GCG: variants seen among roughly 807,000 people sequenced by gnomAD.
The protein encoded by GCG is glucagon.
Under a neutral mutation model 22.8 loss-of-function variants are expected in GCG, and 11 were observed. The observed-to-expected ratio is 0.48, with a 90% CI of 0.30 to 0.80. GCG has a LOEUF of 0.80. GCG is among the 30% of genes least tolerant of loss of function. The pLI is 0.06. For missense variants in GCG, 222 were observed against 222.0 expected, an observed-to-expected ratio of 1.00 and a Z score of 0.00; for synonymous variants, 89 against 72.4, an observed-to-expected ratio of 1.23 and a Z score of -1.16.
intron 1 of GCG, among the ~76,000 whole-genome samples, chr2:162,151,186 A>G (rs901012139): frequency 2.0e-5 from 3 of 152,122 alleles, no homozygotes; most frequent in African/African-American, 7.2e-5. Context: ...AATTTCCACT[A>G]AAATTTAAAG....
In GCG at chr2:162,143,312, C is replaced by A. The variant is rs917696060; in HGVS notation, c.*52G>T. 3 of 1,054,826 alleles carry A rather than the reference C, an allele frequency of 2.8e-6. No homozygotes were observed. The highest frequency in any genetic ancestry group is 4.1e-6 in the Non-Finnish European group (3 of 732,950). The allele number at this position is 1,054,826 out of a possible 1,614,324, so 65.3% of individuals were successfully genotyped here. A position where few individuals can be genotyped will look rare whatever the true frequency, so the allele number is the denominator to read the frequency against. ...TTACAGGACTTAACATTTCAAACATCCCACGTGGCTAGCAGGTGATGTTGT... is the reference window on the plus strand; with the variant it reads ...TTACAGGACTTAACATTTCAAACATACCACGTGGCTAGCAGGTGATGTTGT... On this transcript the variant is annotated 3_prime_UTR_variant, in exon 6 of 6. Transcript: ENST00000418842.
intron 1 of GCG, among the ~76,000 whole-genome samples, chr2:162,150,961 A>G (rs1686821170): frequency 6.6e-6 from 1 of 152,108 alleles, no homozygotes; most frequent in Admixed American, 6.6e-5. Flanking sequence ...CTGAAGAAAG[A>G]ACTGGCTTTA....
rs1369270818 is a variant in GCG, at chr2:162,145,388, C to A, written c.392+152G>T. 4.5e-6 allele frequency: 3 copies of A among 664,362 alleles called. No individual in the cohort carries two copies. The African/African-American group carries it at 5.5e-5, about 12-fold the overall frequency. The allele number at this position is 664,362 out of a possible 1,614,324, so 41.2% of individuals were successfully genotyped here. A position where few individuals can be genotyped will look rare whatever the true frequency, so the allele number is the denominator to read the frequency against. ...AGTACCAAAAACAAAATGGGTTTAA[C>A]TTTTATATACTGTTTTTCATCAATA... is the stretch of plus-strand genomic sequence containing the variant. On this transcript the variant is annotated intron_variant, in intron 4 of 5. Coordinates refer to ENST00000418842, the MANE Select transcript of GCG (RefSeq NM_002054.5).
At chr2:162,151,667 A>G (rs889245161) in intron 1 of GCG, among the ~76,000 whole-genome samples, 3 of 152,152 alleles carry the variant, frequency 2.0e-5, no homozygotes, top group Admixed American at 6.6e-5. Context: ...TGAAATTTGA[A>G]TATTTGAAAG....
chr2:162,147,142 C>T (rs1293472422), intron 3 of GCG, among the ~76,000 whole-genome samples: 2 of 152,038 alleles, frequency 1.3e-5, no homozygotes, highest in Non-Finnish European at 2.9e-5. Context: ...CTATGTCACA[C>T]TGGAGGTTGG....
chr2:162,143,579 A>G (rs887074317), intron 5 of GCG, among the ~76,000 whole-genome samples: 3 of 152,196 alleles, frequency 2.0e-5, no homozygotes, highest in African/African-American at 4.8e-5. Flanking sequence ...TCAAACAATT[A>G]TGAATAATTA....
chr2:162,146,163 G>GGAAAGCAAA (rs1307106592), intron 3 of GCG, among the ~76,000 whole-genome samples: 5 of 152,168 alleles, frequency 3.3e-5, no homozygotes, highest in Non-Finnish European at 7.4e-5. Context: ...CTAGTAACAA[G>GGAAAGCAAA]GAAAGCAAAG....
intron 1 of GCG, among the ~76,000 whole-genome samples, chr2:162,151,089 A>G (rs1686824963): frequency 6.6e-6 from 1 of 152,114 alleles, no homozygotes; most frequent in African/African-American, 2.4e-5. Context: ...TAGTATTAAA[A>G]TCTTATTCAA....
rs1686599650 is a variant in GCG, at chr2:162,143,384, A to G, written c.537-14T>C. On this transcript the variant is annotated splice_polypyrimidine_tract_variant and intron_variant, in intron 5 of 5. Transcript: ENST00000418842. The stretch of plus-strand genomic sequence containing the variant: ...TATAGTTATTTCCTAGAGATTAAAA[A>G]AAGAAAATGATTTAACATAATTATA... 3.1e-6 allele frequency: 3 copies of G among 981,972 alleles called. No individual in the cohort carries two copies. Among genetic ancestry groups the G allele is most frequent in the Non-Finnish European group, 4.6e-6 (3 of 649,460 alleles). The allele number at this position is 981,972 out of a possible 1,614,324, so 60.8% of individuals were successfully genotyped here. A position where few individuals can be genotyped will look rare whatever the true frequency, so the allele number is the denominator to read the frequency against.
rs987359634 is a variant in GCG, at chr2:162,144,048, A to C, written c.515T>G (p.Ile172Ser). 1.2e-6 allele frequency: 2 copies of C among 1,613,142 alleles called. No individual in the cohort carries two copies. The highest frequency in any genetic ancestry group is 1.7e-6 in the Non-Finnish European group (2 of 1,179,426). ...TCACCTGTCAGTGATTTTGGTCTGA[A>C]TCAACCAGTTTATAAAGTCCCTGGC... ...LAARDFINWL[I>S]QTKITDRK The change falls in exon 5 of 6, where the codon ATT (isoleucine) becomes AGT (serine). Residue 172 changes from isoleucine to serine, a missense_variant. Transcript: ENST00000418842.
chr2:162,148,460 C>T (rs1686750271), intron 2 of GCG, among the ~76,000 whole-genome samples: 1 of 151,770 alleles, frequency 6.6e-6, no homozygotes, highest in African/African-American at 2.4e-5. Flanking sequence ...AGTATGCTGC[C>T]ATTAAATATC....
In GCG at chr2:162,145,317, A is replaced by G. The variant is rs1015042982; in HGVS notation, c.392+223T>C. The G allele has an allele frequency of 2.1e-5, 9 of 419,740 alleles. No homozygotes were observed. The South Asian group carries it at 3.0e-4, about 14-fold the overall frequency. The allele number at this position is 419,740 out of a possible 1,614,324, so 26.0% of individuals were successfully genotyped here. On this transcript the variant is annotated intron_variant, in intron 4 of 5. Coordinates refer to ENST00000418842, the MANE Select transcript of GCG (RefSeq NM_002054.5). ...TTTAATACCTAATTATAATGCAACT[A>G]TAAGGGGATACAAATGTAACCTGTT... is the stretch of plus-strand genomic sequence containing the variant.
At chr2:162,146,502 A>T (rs1455539841) in intron 3 of GCG, among the ~76,000 whole-genome samples, 1 of 150,826 alleles carries the variant, frequency 6.6e-6, no homozygotes, top group African/African-American at 2.4e-5. Flanking sequence ...ACCTTTGATT[A>T]GCAACTCTGT....
chr2:162,147,971 A>T (rs2106196887), intron 2 of GCG, among the ~76,000 whole-genome samples: 1 of 152,278 alleles, frequency 6.6e-6, no homozygotes, highest in Middle Eastern at 3.4e-3. Flanking sequence ...CAGTGGAAGG[A>T]AGACAACTAG....
chr2:162,147,578 A>T (rs369963306), intron 2 of GCG, 64 bp from the exon 3 acceptor site: 17 of 1,367,168 alleles, frequency 1.2e-5, no homozygotes, highest in Non-Finnish European at 1.6e-5. Context: ...CTTGAGAAGC[A>T]TCTTCACTAC....
rs1000055899 is a variant in GCG at position 162,145,215 on chromosome 2, C to A, written c.392+325G>T. 3.0e-5 allele frequency: 6 copies of A among 201,996 alleles called. No individual in the cohort carries two copies. In the South Asian group the frequency reaches 5.1e-4, roughly 17 times the overall value. 12.5% of individuals were successfully genotyped at this position (201,996 alleles called of 1,614,324 possible). Reference sequence around the variant, plus strand: ...TTATCTCTAGCTCCCCTAGAACAGTCCTAGTTTAAATTTGTCTCAGCGTAG... The same window carrying A: ...TTATCTCTAGCTCCCCTAGAACAGTACTAGTTTAAATTTGTCTCAGCGTAG... On this transcript the variant is annotated intron_variant, in intron 4 of 5. Transcript: ENST00000418842.
chr2:162,148,141 A>T (rs1390763627), intron 2 of GCG, among the ~76,000 whole-genome samples: 1 of 152,188 alleles, frequency 6.6e-6, no homozygotes, highest in East Asian at 1.9e-4. Context: ...TTACCTATGA[A>T]ATTAGCAAAG....
chr2:162,143,333 G>T lies in GCG; in HGVS notation c.*31C>A, dbSNP rs1249412985. On this transcript the variant is annotated 3_prime_UTR_variant, in exon 6 of 6. Transcript: ENST00000418842. ...ACATCCCACGTGGCTAGCAGGTGATGTTGTGAAGATGATCTTGAATAGTGA... is the reference window on the plus strand; with the variant it reads ...ACATCCCACGTGGCTAGCAGGTGATTTTGTGAAGATGATCTTGAATAGTGA... 3 of 1,220,684 alleles carry T rather than the reference G, an allele frequency of 2.5e-6. No individual in the cohort carries two copies. The East Asian group carries it at 7.8e-5, about 32-fold the overall frequency. The allele number at this position is 1,220,684 out of a possible 1,614,324, so 75.6% of individuals were successfully genotyped here.
At chr2:162,143,900 C>G (rs772740680) in intron 5 of GCG, 127 bp downstream of exon 5, 1 of 742,178 alleles carries the variant, frequency 1.3e-6, no homozygotes, top group East Asian at 2.7e-5. Context: ...CTTAAACATG[C>G]ATAATTATTT....
Sources: gnomAD v4.1 joint callset for allele counts (sites outside exome capture counted in the v4.1 genomes callset) on GRCh38, gnomAD v4.1.1 for gene constraint, MANE v1.5 for transcripts, NCBI Gene and HGNC (gene_info 2026-07-23, HGNC 2026-07-21) for gene names.